The following YME1L1 variants were observed in gnomAD, a reference collection of about 807,000 sequenced individuals.
YME1L1 encodes ATP-dependent zinc metalloprotease YME1L1.
In YME1L1, 39 loss-of-function variants were observed where a neutral mutation model predicts 90.4. That is an observed-to-expected ratio of 0.43 (90% CI 0.33 to 0.56). The LOEUF (loss-of-function observed/expected upper bound fraction) is 0.56, where lower values mean the gene tolerates loss of function less well. Among genes scored for constraint, YME1L1 ranks in the 20% least tolerant of loss-of-function variants. The probability of loss-of-function intolerance (pLI) is 0.03; values close to 1 mark genes in which losing one functional copy is unlikely to be tolerated. For synonymous variants in YME1L1, 284 were observed against 287.3 expected, an observed-to-expected ratio of 0.99 and a Z score of 0.12; for missense variants, 617 against 868.4, an observed-to-expected ratio of 0.71 and a Z score of 3.64.
chr10:27,136,451 TCTA>T (rs2057028203), intron 4 of YME1L1, 66 bp from the exon 5 acceptor site: 4 of 1,347,102 alleles, frequency 3.0e-6, no homozygotes, highest in Non-Finnish European at 4.2e-6. Flanking sequence ...TGCCTAAGAT[TCTA>T]AAGTCTGACA....
chr10:27,134,352 G>C (rs1316596248), intron 6 of YME1L1, among the ~76,000 whole-genome samples: 1 of 152,188 alleles, frequency 6.6e-6, no homozygotes, highest in Non-Finnish European at 1.5e-5. Flanking sequence ...AAGAGGTCAA[G>C]GCAGGAGGAT....
At chr10:27,120,747 C>A (rs2056859106) in intron 12 of YME1L1, among the ~76,000 whole-genome samples, 200 bp from the exon 13 acceptor site, 1 of 152,114 alleles carries the variant, frequency 6.6e-6, no homozygotes, top group Non-Finnish European at 1.5e-5. Flanking sequence ...AACAAAGGTT[C>A]ATTTAGATAC....
At chr10:27,142,290 C>T (rs1288530521) in intron 4 of YME1L1, 97 bp downstream of exon 4, 1 of 701,880 alleles carries the variant, frequency 1.4e-6, no homozygotes, top group East Asian at 3.1e-5. Context: ...CTGTGAATTG[C>T]AAATGAATGT....
chr10:27,129,100 A>AAAC lies in YME1L1; in HGVS notation c.859-2315_859-2314insGTT, dbSNP rs1268666898. On this transcript the variant is annotated intron_variant, in intron 8 of 18. Transcript: ENST00000376016. ...GACCCTGTCTCAAAAAAAAAAAAAA[A>AAAC]AAAAAAAAAAAAACTCTCATTCCAA... 45 of 150,412 alleles carry AAAC rather than the reference A, an allele frequency of 3.0e-4. 1 individual carries two copies. Among genetic ancestry groups the AAAC allele is most frequent in the African/African-American group, 9.4e-4 (38 of 40,482 alleles). The allele number at this position is 150,412 out of a possible 1,614,324, so 9.3% of individuals were successfully genotyped here.
intron 7 of YME1L1, among the ~76,000 whole-genome samples, chr10:27,132,969 A>G (rs1490831914): frequency 6.6e-6 from 1 of 152,220 alleles, no homozygotes; most frequent in Non-Finnish European, 1.5e-5. Flanking sequence ...TTTGGTGTGA[A>G]TAAAACTCAC....
At chr10:27,132,750 G>A (rs1456028477) in intron 7 of YME1L1, among the ~76,000 whole-genome samples, 1 of 152,002 alleles carries the variant, frequency 6.6e-6, no homozygotes, top group African/African-American at 2.4e-5. Context: ...ACCCCAGGAG[G>A]AGGAGGTTGC....
In YME1L1 at chr10:27,145,432, T is replaced by C. The variant is rs758241147; in HGVS notation, c.327A>G (p.Lys109=). Residue 109 remains lysine (K), a synonymous_variant, in exon 3 of 19, where the codon AAA becomes AAG. Transcript: ENST00000376016. ...ACAAAAAACACATTAACATACCATA[T>C]TTATTTTCAAAGAAGGATTGTGCAG... The part of the protein sequence containing the change: ...HVSAQSFFEN[K]YGNLDIFSTL... The C allele has an allele frequency of 6.2e-7, 1 of 1,602,642 alleles. No homozygotes were observed. Among genetic ancestry groups the C allele is most frequent in the African/African-American group, 1.3e-5 (1 of 74,718 alleles).
chr10:27,154,366 A>G lies in YME1L1; in HGVS notation c.-156T>C, dbSNP rs1588626857. The G allele has an allele frequency of 1.2e-6, 1 of 828,796 alleles. No homozygotes were observed. Among genetic ancestry groups the G allele is most frequent in the East Asian group, 2.7e-5 (1 of 36,450 alleles). The allele number at this position is 828,796 out of a possible 1,614,324, so 51.3% of individuals were successfully genotyped here. A position where few individuals can be genotyped will look rare whatever the true frequency, so the allele number is the denominator to read the frequency against. On this transcript the variant is annotated 5_prime_UTR_variant, in exon 1 of 19. Transcript: ENST00000376016. ...ACGGAAAATGGCCTCCCCTTCCTAC[A>G]GCTACTGCAACGACAGACAATCCGC...
In YME1L1 at chr10:27,134,051, G is replaced by C. The variant is rs746039454; in HGVS notation, c.763C>G (p.Pro255Ala). The part of the protein sequence containing the change: ...LFGIYGLLKN[P>A]FLSVRFRTTT... ...AAAAAGCTTTTACCAGATAAAAATG[G>C]GTTTTTTAGAAGTCCATAAATGCCG... Residue 255 changes from proline to alanine, a missense_variant, in exon 7 of 19, where the codon CCA becomes GCA. By Grantham distance (27) the Pro-to-Ala change is conservative (BLOSUM62 -1). Around this residue, in one of 4 missense-constraint regions of YME1L1, gnomAD observed 311 missense variants for 335.8 expected, o/e 0.93. Transcript: ENST00000376016. The C allele has an allele frequency of 6.2e-7, 1 of 1,611,620 alleles. No individual in the cohort carries two copies. Among genetic ancestry groups the C allele is most frequent in the Non-Finnish European group, 8.5e-7 (1 of 1,179,010 alleles).
At position 27,124,859 on chromosome 10, in the gene YME1L1, C is replaced by T. The variant is rs138051708; in HGVS notation, c.950-1160G>A. On this transcript the variant is annotated intron_variant, in intron 9 of 18. Transcript: ENST00000376016. The stretch of plus-strand genomic sequence containing the variant: ...TTCTCATGATTGTATTGAGATTGTG[C>T]TCTTTTTTAATTCCTTTTTGCGTGG... Among the ~76,000 whole-genome samples the T allele has an allele frequency of 2.1e-3, 323 of 152,228 alleles. 1 individual carries two copies. Among genetic ancestry groups the T allele is most frequent in the African/African-American group, 7.4e-3 (306 of 41,538 alleles).
chr10:27,140,677 C>T lies in YME1L1; in HGVS notation c.430+1710G>A, dbSNP rs183450337. 1.8e-3 allele frequency among the ~76,000 whole-genome samples: 268 copies of T among 152,178 alleles called. 1 individual carries two copies. Among genetic ancestry groups the T allele is most frequent in the African/African-American group, 6.0e-3 (251 of 41,532 alleles). On this transcript the variant is annotated intron_variant, in intron 4 of 18. Coordinates refer to ENST00000376016, the MANE Select transcript of YME1L1 (RefSeq NM_014263.4). ...TATTTTTAGTAGAGATGGGGTTTCA[C>T]TATGTTGGCCAGGCTGGTCTTGAAC... is the stretch of plus-strand genomic sequence containing the variant.
intron 13 of YME1L1, 55 bp from the exon 14 acceptor site, chr10:27,119,504 T>C: frequency 6.5e-7 from 1 of 1,545,312 alleles, no homozygotes; most frequent in Non-Finnish European, 8.7e-7. Flanking sequence ...AAAAGAAAGC[T>C]CTTCACAAAG....
rs1345919464 is a variant in YME1L1, at chr10:27,138,051, T to C, written c.431-1666A>G. Among the ~76,000 whole-genome samples, 4 of 149,086 alleles carry C rather than the reference T, an allele frequency of 2.7e-5. No individual in the cohort carries two copies. The East Asian group carries it at 7.8e-4, about 29-fold the overall frequency. On this transcript the variant is annotated intron_variant, in intron 4 of 18. Coordinates refer to ENST00000376016, the MANE Select transcript of YME1L1 (RefSeq NM_014263.4). ...TTCAACCCTTTAACATATTTGGAAC[T>C]TTTTTTTTTGGTATGATGTAAGAAA...
At chr10:27,147,668 A>G (rs2057160282) in intron 2 of YME1L1, 3 of 1,549,480 alleles carry the variant, frequency 1.9e-6, no homozygotes, top group Non-Finnish European at 1.7e-6. Context: ...CTGAACATAC[A>G]CTGTAGGAAG....
chr10:27,136,340 C>G lies in YME1L1; in HGVS notation c.476G>C (p.Arg159Pro). 1 of 1,613,568 alleles carries G rather than the reference C, an allele frequency of 6.2e-7. No homozygotes were observed. Among genetic ancestry groups the G allele is most frequent in the Non-Finnish European group, 8.5e-7 (1 of 1,179,906 alleles). ...TCTCTCGGAGGTAGACTGGAGACGTCGTGTCCTTGATTTCAAAGTTTTAAA... is the reference window on the plus strand; with the variant it reads ...TCTCTCGGAGGTAGACTGGAGACGTGGTGTCCTTGATTTCAAAGTTTTAAA... ...RGFKTLKSRTRRLQSTSERLA... is the reference protein window; with the variant it reads ...RGFKTLKSRTPRLQSTSERLA... The change falls in exon 5 of 19, where the codon CGA becomes CCA. Residue 159 changes from arginine to proline, a missense_variant. Transcript: ENST00000376016.
In YME1L1 at chr10:27,154,169, C is replaced by G. The variant is rs1295396417; in HGVS notation, c.33+9G>C. On this transcript the variant is annotated intron_variant, in intron 1 of 18. Transcript: ENST00000376016. ...GGAGGAAAAAAAATGGGCTGAATGCCTGGCTTACCTGGGGTTGCACCGTGC... is the reference window on the plus strand; with the variant it reads ...GGAGGAAAAAAAATGGGCTGAATGCGTGGCTTACCTGGGGTTGCACCGTGC... The G allele has an allele frequency of 6.3e-7, 1 of 1,588,386 alleles. No homozygotes were observed. The highest frequency in any genetic ancestry group is 1.1e-5 in the South Asian group (1 of 87,378).
Position 27,131,981 on chromosome 10 carries a change from A to G in YME1L1, c.776-40T>C, listed in dbSNP as rs772558569. On this transcript the variant is annotated intron_variant, in intron 7 of 18. Coordinates refer to ENST00000376016, the MANE Select transcript of YME1L1 (RefSeq NM_014263.4). ...AGAAATGTTTATATTTGATAGATTA[A>G]TAACATTCCAATCACCTTGTTTTTT... 5 of 1,514,880 alleles carry G rather than the reference A, an allele frequency of 3.3e-6. No homozygotes were observed. In the East Asian group the frequency reaches 9.1e-5, roughly 27 times the overall value. 93.8% of individuals were successfully genotyped at this position (1,514,880 alleles called of 1,614,324 possible). A position where few individuals can be genotyped will look rare whatever the true frequency, so the allele number is the denominator to read the frequency against.
At chr10:27,131,497 C>A (rs2056977356) in intron 8 of YME1L1, among the ~76,000 whole-genome samples, 1 of 152,118 alleles carries the variant, frequency 6.6e-6, no homozygotes, top group Non-Finnish European at 1.5e-5. Flanking sequence ...TAAAGAAGGA[C>A]CATTTATTAA....
At chr10:27,135,064 A>G (rs553146849) in intron 5 of YME1L1, 83 bp from the exon 6 acceptor site, 1 of 1,364,548 alleles carries the variant, frequency 7.3e-7, no homozygotes, top group South Asian at 1.5e-5. Context: ...AAAAAAATTC[A>G]CTAAAATTCT....
Sources: allele counts gnomAD v4.1 joint callset (sites outside exome capture counted in the v4.1 genomes callset), GRCh38; gene constraint gnomAD v4.1.1; regional missense constraint gnomAD v4.1.1; transcripts MANE v1.5; gene names NCBI Gene and HGNC (gene_info 2026-07-23, HGNC 2026-07-21).